Variants in GRID2 observed in about 807,000 individuals in gnomAD.
The protein encoded by GRID2 is glutamate ionotropic receptor delta type subunit 2, also known as glutamate receptor ionotropic, delta-2.
Under a neutral mutation model 114.8 loss-of-function variants are expected in GRID2, and 33 were observed. That is an observed-to-expected ratio of 0.29 (90% confidence interval 0.22 to 0.38). The LOEUF (loss-of-function observed/expected upper bound fraction) is 0.38, where lower values mean the gene tolerates loss of function less well. GRID2 is among the 10% of genes least tolerant of loss of function. The pLI, the probability that GRID2 is intolerant of heterozygous loss-of-function variation, is 1.00. For missense variants in GRID2, 1,184 were observed against 1,257.7 expected (o/e 0.94, Z 0.89); for synonymous variants, 505 against 449.9 (o/e 1.12, Z -1.55).
At chr4:93,211,424 A>T (rs1479749745) in intron 5 of GRID2, among the ~76,000 whole-genome samples, 1 of 152,128 alleles carries the variant, frequency 6.6e-6, no homozygotes, top group Non-Finnish European at 1.5e-5. Flanking sequence ...TACAAATGAA[A>T]ATATTGTCAT....
intron 2 of GRID2, among the ~76,000 whole-genome samples, chr4:92,885,759 C>G (rs1490778433): frequency 2.0e-5 from 3 of 152,076 alleles, no homozygotes; most frequent in African/African-American, 7.2e-5. Flanking sequence ...TAATTCTGGC[C>G]AAAAGCAAAG....
At chr4:93,169,912 CTT>C (rs1738631139) in intron 4 of GRID2, among the ~76,000 whole-genome samples, 2 of 152,128 alleles carry the variant, frequency 1.3e-5, no homozygotes. Flanking sequence ...TTGAATGACA[CTT>C]ATAAATATGC....
intron 8 of GRID2, among the ~76,000 whole-genome samples, chr4:93,359,562 C>A (rs1761679762): frequency 6.6e-6 from 1 of 151,356 alleles, no homozygotes; most frequent in Admixed American, 6.6e-5. Flanking sequence ...CCATCTCTAG[C>A]CACCCGCTAC....
Position 92,813,658 on chromosome 4 carries a change from G to GCACA in GRID2, c.244+223383_244+223386dup, listed in dbSNP as rs145988327. On this transcript the variant is annotated intron_variant, in intron 2 of 15. Coordinates refer to ENST00000282020, the MANE Select transcript of GRID2 (RefSeq NM_001510.4). ...TTAACTTCAGTACAGACACACGCAC[G>GCACA]CACACACACACACATATACTCACAC... Among the ~76,000 whole-genome samples the GCACA allele has an allele frequency of 6.0e-5, 9 of 150,414 alleles. No individual in the cohort carries two copies. In the East Asian group the frequency reaches 1.2e-3, roughly 20 times the overall value.
At chr4:92,659,365 A>C (rs765078130) in intron 2 of GRID2, among the ~76,000 whole-genome samples, 22 of 151,630 alleles carry the variant, frequency 1.5e-4, no homozygotes, top group Admixed American at 1.1e-3. Context: ...CAGGAAATCC[A>C]GTTGATTGCT....
intron 2 of GRID2, among the ~76,000 whole-genome samples, chr4:93,012,467 A>T (rs1722276358): frequency 6.6e-6 from 1 of 152,066 alleles, no homozygotes; most frequent in Non-Finnish European, 1.5e-5. Context: ...GAATTAGTCT[A>T]CTGAGGCCTA....
chr4:92,586,050 T>G (rs549615958), intron 1 of GRID2, among the ~76,000 whole-genome samples: 1 of 151,478 alleles, frequency 6.6e-6, no homozygotes, highest in South Asian at 2.1e-4. Flanking sequence ...GTTAAAAAGA[T>G]TTAATCAATG....
chr4:92,520,499 C>T (rs1724716516), intron 1 of GRID2, among the ~76,000 whole-genome samples: 1 of 151,932 alleles, frequency 6.6e-6, no homozygotes, highest in East Asian at 1.9e-4. Flanking sequence ...TTGCCTTCAG[C>T]AAGCATCTCT....
chr4:92,423,782 C>T (rs11097337), intron 1 of GRID2, among the ~76,000 whole-genome samples: 40,585 of 151,470 alleles, frequency 0.27, 5,538 homozygotes, highest in African/African-American at 0.31. Flanking sequence ...ATTTTGTAGC[C>T]GAAAGTAAGT....
Position 92,536,957 on chromosome 4 carries a change from A to G in GRID2, c.89-53174A>G, listed in dbSNP as rs567554436. On this transcript the variant is annotated intron_variant, in intron 1 of 15. Transcript: ENST00000282020. ...ATATAACATAACACGTTCAGGAGAC[A>G]GTTAGCAAAAGAACAGTAGAATTGT... Among the ~76,000 whole-genome samples the G allele has an allele frequency of 3.9e-4, 59 of 152,314 alleles. No individual in the cohort carries two copies. In the South Asian group the frequency reaches 0.012, roughly 31 times the overall value.
chr4:93,372,026 G>A (rs376834320), intron 8 of GRID2, among the ~76,000 whole-genome samples: 1 of 151,996 alleles, frequency 6.6e-6, no homozygotes, highest in Admixed American at 6.6e-5. Context: ...GATTACAGGC[G>A]TGAGCCACTG....
intron 2 of GRID2, among the ~76,000 whole-genome samples, chr4:92,972,455 T>C (rs566424902): frequency 6.6e-6 from 1 of 152,260 alleles, no homozygotes; most frequent in South Asian, 2.1e-4. Context: ...ACATGGTTTA[T>C]GAATAACAGA....
rs115336309 is a variant in GRID2, at chr4:92,657,431, G to A, written c.244+67145G>A. On this transcript the variant is annotated intron_variant, in intron 2 of 15. Transcript: ENST00000282020. ...TATTTTTCTGTTACACCAAATATGC[G>A]TATACTCGTGCTATGAAATTATTCA... is the stretch of plus-strand genomic sequence containing the variant. Among the ~76,000 whole-genome samples the A allele has an allele frequency of 2.7e-3, 409 of 151,104 alleles. 1 individual carries two copies. Among genetic ancestry groups the A allele is most frequent in the African/African-American group, 9.1e-3 (374 of 41,266 alleles).
intron 4 of GRID2, among the ~76,000 whole-genome samples, chr4:93,177,816 C>G (rs1472339497): frequency 6.6e-6 from 1 of 152,004 alleles, no homozygotes; most frequent in Non-Finnish European, 1.5e-5. Flanking sequence ...CTACCATTAA[C>G]TAGTAGTTTT....
chr4:92,606,243 A>C (rs186211743), intron 2 of GRID2, among the ~76,000 whole-genome samples: 2 of 152,182 alleles, frequency 1.3e-5, no homozygotes, highest in Non-Finnish European at 1.5e-5. Flanking sequence ...ATAACTTATC[A>C]CATCCAATGA....
chr4:93,186,661 T>A (rs1051412744), intron 4 of GRID2, among the ~76,000 whole-genome samples: 3 of 152,196 alleles, frequency 2.0e-5, no homozygotes, highest in African/African-American at 7.2e-5. Flanking sequence ...ATTTTCACAC[T>A]GTTTTTTCTT....
chr4:93,218,372 T>C lies in GRID2; in HGVS notation c.963+1461T>C, dbSNP rs1175875192. Among the ~76,000 whole-genome samples, 4 of 152,072 alleles carry C rather than the reference T, an allele frequency of 2.6e-5. No individual in the cohort carries two copies. The South Asian group carries it at 8.3e-4, about 32-fold the overall frequency. On this transcript the variant is annotated intron_variant, in intron 6 of 15. Coordinates refer to ENST00000282020, the MANE Select transcript of GRID2 (RefSeq NM_001510.4). ...AATAATAATTAGCCAGGTGTGGTGG[T>C]ATCCTCCTGTAGTCCCAGCTACTCA...
chr4:93,714,193 G>T (rs968369982), intron 14 of GRID2, among the ~76,000 whole-genome samples: 3 of 151,964 alleles, frequency 2.0e-5, no homozygotes, highest in African/African-American at 7.3e-5. Context: ...TGTGGTGTTT[G>T]GTTTTCTTTT....
At chr4:92,521,780 T>G (rs548628912) in intron 1 of GRID2, among the ~76,000 whole-genome samples, 97 of 151,964 alleles carry the variant, frequency 6.4e-4, no homozygotes, top group African/African-American at 2.3e-3. Flanking sequence ...GTTGTGTGAG[T>G]GTATATGGCC....
Sources: gnomAD v4.1 joint callset for allele counts (sites outside exome capture counted in the v4.1 genomes callset) on GRCh38, gnomAD v4.1.1 for gene constraint, MANE v1.5 for transcripts, NCBI Gene and HGNC (gene_info 2026-07-23, HGNC 2026-07-21) for gene names.